CACNA2D4: variants seen among roughly 807,000 people sequenced by gnomAD.
CACNA2D4 encodes voltage-dependent calcium channel subunit alpha-2/delta-4.
CACNA2D4 carries 157 observed loss-of-function variants against 163.8 expected under a neutral mutation model. The observed-to-expected ratio is 0.96, with a 90% CI of 0.84 to 1.09. The LOEUF (loss-of-function observed/expected upper bound fraction) is 1.09. Among genes scored for constraint, CACNA2D4 ranks in the 50% least tolerant of loss-of-function variants. The pLI, the probability that CACNA2D4 is intolerant of heterozygous loss-of-function variation, is 0.00. For synonymous variants in CACNA2D4, 598 were observed against 586.9 expected, an observed-to-expected ratio of 1.02 and a Z score of -0.27; for missense variants, 1,410 against 1,479.9, an observed-to-expected ratio of 0.95 and a Z score of 0.78.
At chr12:1,887,554 G>A (rs537103610) in intron 6 of CACNA2D4, among the ~76,000 whole-genome samples, 24 of 152,216 alleles carry the variant, frequency 1.6e-4, no homozygotes, top group African/African-American at 2.4e-4. Flanking sequence ...GCTCTTTGAG[G>A]TCAGGGATTC....
rs1224648282 is a variant in CACNA2D4 at position 1,917,589 on chromosome 12, C to T, written c.227+658G>A. Among the ~76,000 whole-genome samples the T allele has an allele frequency of 6.6e-6, 1 of 152,132 alleles. No homozygotes were observed. Among genetic ancestry groups the T allele is most frequent in the African/African-American group, 2.4e-5 (1 of 41,404 alleles). ...GCTAGGGCCTAAAACACAGACACCC[C>T]AGAGAGGTTGCACAGTAATTTACAT... On this transcript the variant is annotated intron_variant, in intron 1 of 37. Transcript: ENST00000382722. The surrounding 1 kb of genome is among the most constrained non-coding windows in gnomAD (Gnocchi z 4.3).
chr12:1,809,539 A>G (rs1313807356), intron 29 of CACNA2D4: 1 of 702,856 alleles, frequency 1.4e-6, no homozygotes, highest in Non-Finnish European at 2.6e-6. Context: ...TCAGGTTTGA[A>G]TGGGCTTCTT....
chr12:1,865,268 C>T lies in CACNA2D4; in HGVS notation c.1879-5062G>A, dbSNP rs77370373. Among the ~76,000 whole-genome samples, 1,055 of 152,334 alleles carry T rather than the reference C, an allele frequency of 6.9e-3. 8 individuals are homozygous for T. Among genetic ancestry groups the T allele is most frequent in the African/African-American group, 0.024 (1,000 of 41,580 alleles). On this transcript the variant is annotated intron_variant, in intron 18 of 37. Transcript: ENST00000382722. ...CGCGGAGCCTGATGGTCTCGCTGTT[C>T]GTGCGGACCTGGGGGCCTTGATATC...
At chr12:1,804,942 T>C (rs1468177166) in intron 29 of CACNA2D4, among the ~76,000 whole-genome samples, 1 of 152,268 alleles carries the variant, frequency 6.6e-6, no homozygotes, top group Non-Finnish European at 1.5e-5. Flanking sequence ...TTTTGAACTT[T>C]GTCAGGGCAA....
At chr12:1,795,416 A>AC (rs765067287) in intron 36 of CACNA2D4, 35 bp from the exon 37 acceptor site, 2 of 1,581,390 alleles carry the variant, frequency 1.3e-6, no homozygotes, top group Admixed American at 3.4e-5. Flanking sequence ...ATATCTCAGG[A>AC]CCGGAGCCCA....
intron 16 of CACNA2D4, among the ~76,000 whole-genome samples, chr12:1,876,795 G>GTAT (rs781370845): frequency 4.3e-4 from 66 of 152,190 alleles, no homozygotes; most frequent in Admixed American, 1.0e-3. Flanking sequence ...TGTTTCCTTT[G>GTAT]GGTGGGGCTC....
intron 26 of CACNA2D4, among the ~76,000 whole-genome samples, chr12:1,817,666 G>T (rs924318167): frequency 1.3e-5 from 2 of 152,124 alleles, no homozygotes; most frequent in African/African-American, 4.8e-5. Flanking sequence ...ATATTTTTTT[G>T]GTGGAGACGG....
At chr12:1,821,559 C>T (rs1440143034) in intron 26 of CACNA2D4, among the ~76,000 whole-genome samples, 1 of 152,162 alleles carries the variant, frequency 6.6e-6, no homozygotes. Context: ...AGCTGTGCAC[C>T]CAGCCGTCCA....
chr12:1,853,237 C>T (rs1057063240), intron 23 of CACNA2D4, among the ~76,000 whole-genome samples: 3 of 152,138 alleles, frequency 2.0e-5, no homozygotes, highest in Non-Finnish European at 4.4e-5. Flanking sequence ...CCACTTTTTA[C>T]AGAAAAGGTA....
chr12:1,850,881 C>CA (rs3078857), intron 23 of CACNA2D4, among the ~76,000 whole-genome samples: 77 of 130,832 alleles, frequency 5.9e-4, no homozygotes, highest in African/African-American at 1.2e-3. Flanking sequence ...GACTCCGTCT[C>CA]AAAAAAAAAA....
At chr12:1,811,884 G>A (rs925817624) in intron 26 of CACNA2D4, 161 bp from the exon 27 acceptor site, 3 of 640,026 alleles carry the variant, frequency 4.7e-6, no homozygotes, top group African/African-American at 3.7e-5. Flanking sequence ...TGGGGTTTCT[G>A]GGGAGTGGGA....
In CACNA2D4 at chr12:1,867,903, CA is replaced by C. The variant is rs1265899593; in HGVS notation, c.1878+6700del. 3.3e-5 allele frequency among the ~76,000 whole-genome samples: 5 copies of C among 152,238 alleles called. No homozygotes were observed. In the East Asian group the frequency reaches 9.7e-4, roughly 29 times the overall value. ...ATTGATCATCAGAGAAATGCAAACC[CA>C]AACCACAATGAGATGCCACCTCATA... is the stretch of plus-strand genomic sequence containing the variant. On this transcript the variant is annotated intron_variant, in intron 18 of 37. Coordinates refer to ENST00000382722, the MANE Select transcript of CACNA2D4 (RefSeq NM_172364.5).
At chr12:1,914,440 G>C (rs1169777622) in intron 2 of CACNA2D4, among the ~76,000 whole-genome samples, 3 of 152,168 alleles carry the variant, frequency 2.0e-5, no homozygotes, top group Non-Finnish European at 4.4e-5. Context: ...CCTGCGCAGA[G>C]GCCACAGCCC....
At chr12:1,896,786 T>C (rs565148654) in intron 6 of CACNA2D4, among the ~76,000 whole-genome samples, 2 of 152,328 alleles carry the variant, frequency 1.3e-5, no homozygotes, top group African/African-American at 4.8e-5. Context: ...TACCATATGA[T>C]GCCACTACCT....
chr12:1,810,426 G>A (rs1488726839), intron 28 of CACNA2D4, 86 bp from the exon 29 acceptor site: 21 of 1,527,650 alleles, frequency 1.4e-5, no homozygotes, highest in African/African-American at 2.7e-5. Flanking sequence ...GGAAGGCAGC[G>A]TGGGAGCTTC....
intron 26 of CACNA2D4, among the ~76,000 whole-genome samples, chr12:1,814,378 G>A (rs981006655): frequency 2.6e-5 from 4 of 152,208 alleles, no homozygotes; most frequent in South Asian, 2.1e-4. Flanking sequence ...GTCTTGCCCC[G>A]GGTGTCCTTT....
intron 14 of CACNA2D4, 101 bp downstream of exon 14, chr12:1,879,703 G>A: frequency 1.1e-6 from 1 of 929,668 alleles, no homozygotes; most frequent in South Asian, 1.4e-5. Flanking sequence ...CTCCCAAGGT[G>A]GCTCAGAGGC....
At chr12:1,836,798 A>C (rs1213238693) in intron 26 of CACNA2D4, 1 of 152,606 alleles carries the variant, frequency 6.6e-6, no homozygotes, top group Non-Finnish European at 1.5e-5. Flanking sequence ...GTGCCAGGAG[A>C]GTTGCTTCCT....
intron 18 of CACNA2D4, among the ~76,000 whole-genome samples, chr12:1,860,757 G>A (rs115828073): frequency 0.019 from 2,954 of 152,248 alleles, 92 homozygotes; most frequent in African/African-American, 0.068. Flanking sequence ...ATCCATGCCC[G>A]GGCCACGGGA....
Sources: allele counts gnomAD v4.1 joint callset (sites outside exome capture counted in the v4.1 genomes callset), GRCh38; gene constraint gnomAD v4.1.1; non-coding constraint Gnocchi (gnomAD v3.1); transcripts MANE v1.5; gene names NCBI Gene and HGNC (gene_info 2026-07-23, HGNC 2026-07-21).